PLEKHA5: variants seen among roughly 807,000 people sequenced by gnomAD.
PLEKHA5 encodes the protein pleckstrin homology domain containing A5, also known as pleckstrin homology domain-containing family A member 5.
In PLEKHA5, 55 loss-of-function variants were observed where a neutral mutation model predicts 181.9. That is an observed-to-expected ratio of 0.30 (90% CI 0.24 to 0.38). PLEKHA5 has a LOEUF of 0.38. Ranked by LOEUF, PLEKHA5 falls within the 10% of genes least tolerant of loss-of-function variation. The pLI is 1.00. For missense variants in PLEKHA5, 1,432 were observed against 1,549.5 expected (o/e 0.92, Z 1.27); for synonymous variants, 535 against 529.4 (o/e 1.01, Z -0.15).
chr12:19,337,074 G>A (rs1170307477), intron 21 of PLEKHA5, among the ~76,000 whole-genome samples: 2 of 138,584 alleles, frequency 1.4e-5, no homozygotes. Flanking sequence ...CGCAACCTCT[G>A]CCTCCCGGGT....
At chr12:19,244,455 G>C (rs552632141) in intron 3 of PLEKHA5, among the ~76,000 whole-genome samples, 2 of 152,322 alleles carry the variant, frequency 1.3e-5, no homozygotes, top group African/African-American at 4.8e-5. Flanking sequence ...CCCCACTCCA[G>C]TCTAACATTA....
intron 8 of PLEKHA5, among the ~76,000 whole-genome samples, chr12:19,268,309 G>C (rs1354578281): frequency 6.6e-6 from 1 of 152,070 alleles, no homozygotes. Flanking sequence ...TATCAATTTA[G>C]CAAATGTTTA....
At chr12:19,133,152 G>A (rs80051304) in intron 3 of PLEKHA5, among the ~76,000 whole-genome samples, 9,145 of 151,898 alleles carry the variant, frequency 0.06, 333 homozygotes, top group South Asian at 0.11. Context: ...TTATTGATAT[G>A]TTTGTTTAAA....
chr12:19,251,695 T>C (rs979325294), intron 3 of PLEKHA5, among the ~76,000 whole-genome samples: 8 of 124,172 alleles, frequency 6.4e-5, no homozygotes, highest in Admixed American at 1.1e-4. Flanking sequence ...GCAAGCGTTA[T>C]AGCAGAACTG....
chr12:19,306,600 C>A, intron 15 of PLEKHA5: 1 of 877,652 alleles, frequency 1.1e-6, no homozygotes, highest in Non-Finnish European at 1.9e-6. Flanking sequence ...AGCGGCGGGC[C>A]CAGTAGCGGA....
intron 3 of PLEKHA5, among the ~76,000 whole-genome samples, chr12:19,245,723 C>CAAAAAAAAAAA (rs1177391924): frequency 2.0e-5 from 1 of 50,904 alleles, no homozygotes; most frequent in Non-Finnish European, 3.2e-5. Flanking sequence ...GTGAGACTGT[C>CAAAAAAAAAAA]AAAAAAAAAA....
chr12:19,202,789 G>A (rs1399668354), intron 3 of PLEKHA5, among the ~76,000 whole-genome samples: 2 of 152,034 alleles, frequency 1.3e-5, no homozygotes, highest in Non-Finnish European at 2.9e-5. Context: ...GGTATCAGAT[G>A]GAAGGCAGAT....
At position 19,287,575 on chromosome 12, in the gene PLEKHA5, T is replaced by TA; in HGVS notation, c.1863+20dup. ...GAAAACGGTGAGTAATATCTTTATT[T>TA]ACCATACCATGTTTTATTTATGTGC... On this transcript the variant is annotated intron_variant, in intron 13 of 31. Coordinates refer to ENST00000429027, the MANE Select transcript of PLEKHA5 (RefSeq NM_001256470.2). 1 of 1,309,320 alleles carries TA rather than the reference T, an allele frequency of 7.6e-7. No individual in the cohort carries two copies. The highest frequency in any genetic ancestry group is 1.8e-4 in the Middle Eastern group (1 of 5,476). 81.1% of individuals were successfully genotyped at this position (1,309,320 alleles called of 1,614,324 possible). A position where few individuals can be genotyped will look rare whatever the true frequency, so the allele number is the denominator to read the frequency against.
Position 19,334,866 on chromosome 12 carries a change from A to C in PLEKHA5, c.2449-1649A>C, listed in dbSNP as rs1265717612. On this transcript the variant is annotated intron_variant, in intron 20 of 31. Coordinates refer to ENST00000429027, the MANE Select transcript of PLEKHA5 (RefSeq NM_001256470.2). ...TATATATATATATATATATATATAT[A>C]TATCTCTGTATACGCACACACACAC... Among the ~76,000 whole-genome samples, 59 of 58,714 alleles carry C rather than the reference A, an allele frequency of 1.0e-3. 3 individuals carry two copies. The highest frequency in any genetic ancestry group is 1.2e-3 in the Non-Finnish European group (31 of 26,164). 38.5% of individuals were successfully genotyped at this position (58,714 alleles called of 152,430 possible). A position where few individuals can be genotyped will look rare whatever the true frequency, so the allele number is the denominator to read the frequency against.
chr12:19,369,857 C>A, intron 31 of PLEKHA5, 59 bp downstream of exon 31: 1 of 1,036,126 alleles, frequency 9.7e-7, no homozygotes, highest in Non-Finnish European at 1.5e-6. Context: ...TATGACTTAT[C>A]TGTTGGTTTA....
At position 19,170,660 on chromosome 12, in the gene PLEKHA5, C is replaced by A. The variant is rs143071529; in HGVS notation, c.227+38210C>A. Among the ~76,000 whole-genome samples the A allele has an allele frequency of 8.4e-3, 1,286 of 152,324 alleles. 20 individuals carry two copies. Among genetic ancestry groups the A allele is most frequent in the African/African-American group, 0.029 (1,223 of 41,574 alleles). On this transcript the variant is annotated intron_variant, in intron 3 of 31. Transcript: ENST00000429027. ...GTCTCGATCTCTTGACCTCGTGATC[C>A]GCCTGCCTTGGCCTCCCAAAGTGTT...
At chr12:19,331,944 G>A (rs1354466158) in intron 20 of PLEKHA5, among the ~76,000 whole-genome samples, 1 of 152,044 alleles carries the variant, frequency 6.6e-6, no homozygotes, top group African/African-American at 2.4e-5. Flanking sequence ...CTTGAGCCTG[G>A]GGAGTTGAGG....
chr12:19,249,229 C>T (rs1162433811), intron 3 of PLEKHA5, among the ~76,000 whole-genome samples: 2 of 152,134 alleles, frequency 1.3e-5, no homozygotes, highest in Admixed American at 6.6e-5. Flanking sequence ...AGTGTAACAG[C>T]ATGCCAGCAT....
intron 3 of PLEKHA5, among the ~76,000 whole-genome samples, chr12:19,224,963 A>G (rs1400376899): frequency 6.6e-6 from 1 of 152,106 alleles, no homozygotes; most frequent in Non-Finnish European, 1.5e-5. Flanking sequence ...GTGACTGTGA[A>G]TCCAGCCTGG....
chr12:19,139,553 C>CT lies in PLEKHA5; in HGVS notation c.227+7106dup, dbSNP rs1392643354. 4.6e-5 allele frequency among the ~76,000 whole-genome samples: 7 copies of CT among 152,248 alleles called. No homozygotes were observed. The South Asian group carries it at 1.5e-3, about 32-fold the overall frequency. The stretch of plus-strand genomic sequence containing the variant: ...TTGAATATTTACTGTGTGCCAAGTG[C>CT]TTTAAGCTTTATGAATGAAACAGAC... On this transcript the variant is annotated intron_variant, in intron 3 of 31. Coordinates refer to ENST00000429027, the MANE Select transcript of PLEKHA5 (RefSeq NM_001256470.2).
chr12:19,311,518 T>C (rs2086547950), intron 15 of PLEKHA5, among the ~76,000 whole-genome samples: 2 of 151,864 alleles, frequency 1.3e-5, no homozygotes, highest in African/African-American at 4.8e-5. Context: ...ATCAACCAAG[T>C]TTATATATTC....
chr12:19,215,285 G>T (rs563928003), intron 3 of PLEKHA5, among the ~76,000 whole-genome samples: 4 of 152,128 alleles, frequency 2.6e-5, no homozygotes, highest in Non-Finnish European at 5.9e-5. Context: ...TAGCCAGCTA[G>T]CCAAAAGTTT....
chr12:19,341,246 C>T lies in PLEKHA5; in HGVS notation c.2551-2077C>T, dbSNP rs144078134. Among the ~76,000 whole-genome samples, 64 of 152,222 alleles carry T rather than the reference C, an allele frequency of 4.2e-4. No homozygotes were observed. The East Asian group carries it at 0.011, about 27-fold the overall frequency. ...GAGCCAAGATCACATCGCTGCACTC[C>T]AGCCTGGGTGGCCGAGTGAGACTCA... is the stretch of plus-strand genomic sequence containing the variant. On this transcript the variant is annotated intron_variant, in intron 21 of 31. Transcript: ENST00000429027.
chr12:19,192,900 A>C (rs370046841), intron 3 of PLEKHA5, among the ~76,000 whole-genome samples: 37 of 152,270 alleles, frequency 2.4e-4, no homozygotes, highest in African/African-American at 8.9e-4. Context: ...TGTGGACCAA[A>C]TCCAGCCTGC....
Sources: allele counts gnomAD v4.1 joint callset (sites outside exome capture counted in the v4.1 genomes callset), GRCh38; gene constraint gnomAD v4.1.1; transcripts MANE v1.5; gene names NCBI Gene and HGNC (gene_info 2026-07-23, HGNC 2026-07-21).